Variants in NRXN3 observed in about 807,000 individuals in gnomAD.
NRXN3 encodes neurexin III.
A neutral mutation model predicts 137.6 loss-of-function variants in NRXN3; 32 were observed. The ratio of observed to expected loss-of-function variants is 0.23; its 90% CI spans 0.18 to 0.31. The LOEUF is 0.31. Among genes scored for constraint, NRXN3 ranks in the 10% least tolerant of loss-of-function variants. The pLI is 1.00. For synonymous variants in NRXN3, 798 were observed against 784.5 expected, an observed-to-expected ratio of 1.02 and a Z score of -0.29; for missense variants, 1,574 against 2,062.5, an observed-to-expected ratio of 0.76 and a Z score of 4.59.
At chr14:79,316,386 C>T (rs1475003172) in intron 15 of NRXN3, among the ~76,000 whole-genome samples, 1 of 152,092 alleles carries the variant, frequency 6.6e-6, no homozygotes, top group Non-Finnish European at 1.5e-5. Context: ...TGTTAGGTAT[C>T]TTGTCTGAGA....
At chr14:79,194,965 T>C (rs1009964448) in intron 15 of NRXN3, among the ~76,000 whole-genome samples, 6 of 152,208 alleles carry the variant, frequency 3.9e-5, no homozygotes, top group African/African-American at 1.2e-4. Context: ...ATTTTCTTTT[T>C]TTTTTCTCTG....
intron 4 of NRXN3, among the ~76,000 whole-genome samples, chr14:78,461,343 C>G (rs1349551566): frequency 6.6e-6 from 1 of 151,538 alleles, no homozygotes; most frequent in South Asian, 2.1e-4. Flanking sequence ...TGTTCAGAGC[C>G]ATGTTACTAA....
chr14:79,106,961 A>G (rs1348189395), intron 15 of NRXN3, among the ~76,000 whole-genome samples: 1 of 152,184 alleles, frequency 6.6e-6, no homozygotes, highest in African/African-American at 2.4e-5. Context: ...TAAAAAAAGT[A>G]TAGATGAAAA....
At chr14:79,130,515 C>G (rs1040666013) in intron 15 of NRXN3, among the ~76,000 whole-genome samples, 1 of 152,074 alleles carries the variant, frequency 6.6e-6, no homozygotes, top group Non-Finnish European at 1.5e-5. Context: ...CCCCCACTCT[C>G]TTCTGGCTTG....
chr14:79,494,931 T>C (rs887285435), intron 16 of NRXN3, among the ~76,000 whole-genome samples: 5 of 152,192 alleles, frequency 3.3e-5, no homozygotes, highest in African/African-American at 1.2e-4. Flanking sequence ...TTCTAATTTG[T>C]GATAATCTAC....
At chr14:79,234,120 T>C (rs1043228340) in intron 15 of NRXN3, among the ~76,000 whole-genome samples, 3 of 151,000 alleles carry the variant, frequency 2.0e-5, no homozygotes, top group Admixed American at 2.0e-4. Context: ...AAAAATGTGC[T>C]TACTGGGGCT....
intron 4 of NRXN3, among the ~76,000 whole-genome samples, chr14:78,386,892 A>G (rs1252560782): frequency 6.6e-6 from 1 of 151,548 alleles, no homozygotes; most frequent in South Asian, 2.1e-4. Context: ...TGATTGTCCT[A>G]TCTCAGCCTC....
intron 19 of NRXN3, among the ~76,000 whole-genome samples, chr14:79,800,879 C>A (rs1236079803): frequency 1.3e-5 from 2 of 152,154 alleles, no homozygotes; most frequent in Non-Finnish European, 2.9e-5. Context: ...TCATATCATC[C>A]AAAAGCCTTG....
At chr14:78,806,388 A>T (rs535552506) in intron 9 of NRXN3, among the ~76,000 whole-genome samples, 1 of 152,244 alleles carries the variant, frequency 6.6e-6, no homozygotes, top group Admixed American at 6.5e-5. Context: ...CTTTGCCGTG[A>T]ATTTGTGTTT....
intron 19 of NRXN3, among the ~76,000 whole-genome samples, chr14:79,784,256 C>A (rs1255983996): frequency 6.6e-6 from 1 of 152,190 alleles, no homozygotes; most frequent in Non-Finnish European, 1.5e-5. Flanking sequence ...AGCATGATTA[C>A]TTCTTTCCTT....
Position 79,467,258 on chromosome 14 carries a change from T to C in NRXN3, c.3300T>C (p.Leu1100=). 1.2e-6 allele frequency: 2 copies of C among 1,610,342 alleles called. No homozygotes were observed. Among genetic ancestry groups the C allele is most frequent in the Non-Finnish European group, 8.5e-7 (1 of 1,176,852 alleles). Residue 1100 remains leucine (L), a synonymous_variant, in exon 16 of 21, where the codon CTT becomes CTC. Coordinates refer to ENST00000335750, the MANE Select transcript of NRXN3 (RefSeq NM_001330195.2). ...ACATCTTTGGGAAAAGTGGTGGGCTTATCCTCTACACCTGGCCAGCCAATG... is the reference window on the plus strand; with the variant it reads ...ACATCTTTGGGAAAAGTGGTGGGCTCATCCTCTACACCTGGCCAGCCAATG... ...ATYIFGKSGG[L]ILYTWPANDR...
At chr14:78,277,244 G>A (rs1026527146) in intron 2 of NRXN3, among the ~76,000 whole-genome samples, 2 of 152,150 alleles carry the variant, frequency 1.3e-5, no homozygotes, top group African/African-American at 4.8e-5. Flanking sequence ...TTATCGGTTG[G>A]CATGAAGAAC....
At chr14:78,315,681 G>T (rs535053457) in intron 4 of NRXN3, among the ~76,000 whole-genome samples, 3 of 152,182 alleles carry the variant, frequency 2.0e-5, no homozygotes, top group Non-Finnish European at 4.4e-5. Context: ...ATCTTAGCTT[G>T]AGTTGATGGA....
At chr14:79,660,782 G>A (rs1199785562) in intron 16 of NRXN3, among the ~76,000 whole-genome samples, 1 of 152,126 alleles carries the variant, frequency 6.6e-6, no homozygotes, top group Non-Finnish European at 1.5e-5. Flanking sequence ...CAGGATTTAT[G>A]TACTGGTTTC....
chr14:79,498,079 T>C (rs1366990041), intron 16 of NRXN3, among the ~76,000 whole-genome samples: 1 of 152,034 alleles, frequency 6.6e-6, no homozygotes, highest in African/African-American at 2.4e-5. Flanking sequence ...GAAGAACATA[T>C]TCCAAAGTGT....
At chr14:78,904,835 A>G (rs2099210071) in intron 10 of NRXN3, among the ~76,000 whole-genome samples, 2 of 151,996 alleles carry the variant, frequency 1.3e-5, no homozygotes, top group Non-Finnish European at 2.9e-5. Context: ...CTGAATATGA[A>G]TGACCTTTCC....
chr14:78,704,462 C>T (rs1217306074), intron 6 of NRXN3, among the ~76,000 whole-genome samples: 1 of 152,182 alleles, frequency 6.6e-6, no homozygotes, highest in African/African-American at 2.4e-5. Context: ...CACCTGGGTT[C>T]ATACAGAAAC....
At chr14:78,514,833 T>C (rs901476691) in intron 4 of NRXN3, among the ~76,000 whole-genome samples, 4 of 152,094 alleles carry the variant, frequency 2.6e-5, no homozygotes, top group Non-Finnish European at 4.4e-5. Flanking sequence ...TTGGGTGATA[T>C]TTAAGCTGAG....
rs754635804 is a variant in NRXN3 at position 79,467,263 on chromosome 14, T to A, written c.3305T>A (p.Leu1102His). Residue 1102 changes from leucine to histidine, a missense_variant, in exon 16 of 21, where the codon CTC (leucine) becomes CAC (histidine). By Grantham distance (99) the Leu-to-His change is moderately conservative (BLOSUM62 -3). Coordinates refer to ENST00000335750, the MANE Select transcript of NRXN3 (RefSeq NM_001330195.2). ...YIFGKSGGLI[L>H]YTWPANDRPS... ...TTTGGGAAAAGTGGTGGGCTTATCC[T>A]CTACACCTGGCCAGCCAATGACAGG... 6.2e-7 allele frequency: 1 copy of A among 1,612,390 alleles called. No individual in the cohort carries two copies. The highest frequency in any genetic ancestry group is 8.5e-7 in the Non-Finnish European group (1 of 1,178,526).
Sources: allele counts gnomAD v4.1 joint callset (sites outside exome capture counted in the v4.1 genomes callset), GRCh38; gene constraint gnomAD v4.1.1; transcripts MANE v1.5; gene names NCBI Gene and HGNC (gene_info 2026-07-23, HGNC 2026-07-21).